DEPTOR: variants seen among roughly 807,000 people sequenced by gnomAD.
DEPTOR encodes the protein DEP domain-containing mTOR-interacting protein.
In DEPTOR, 41 loss-of-function variants were observed where a neutral mutation model predicts 41.6. That is an observed-to-expected ratio of 0.98 (90% CI 0.77 to 1.28). DEPTOR has a LOEUF of 1.28. DEPTOR is among the 50% of genes most tolerant of loss of function. The probability of loss-of-function intolerance (pLI) is 0.00; values close to 1 mark genes in which losing one functional copy is unlikely to be tolerated. For missense variants in DEPTOR, 514 were observed against 527.9 expected, an observed-to-expected ratio of 0.97 and a Z score of 0.26; for synonymous variants, 195 against 192.3, an observed-to-expected ratio of 1.01 and a Z score of -0.12.
intron 1 of DEPTOR, among the ~76,000 whole-genome samples, chr8:119,883,858 A>T (rs1359232359): frequency 6.6e-6 from 1 of 152,116 alleles, no homozygotes; most frequent in Non-Finnish European, 1.5e-5. Context: ...CAGCTCCATG[A>T]GGCACTCCTT....
intron 4 of DEPTOR, among the ~76,000 whole-genome samples, chr8:119,986,891 ATTC>A: frequency 6.6e-6 from 1 of 151,762 alleles, no homozygotes; most frequent in Middle Eastern, 3.4e-3. Flanking sequence ...GGTTATATAT[ATTC>A]TTCTCGAAAC....
chr8:119,935,686 A>T (rs1370528253), intron 3 of DEPTOR, among the ~76,000 whole-genome samples: 1 of 151,378 alleles, frequency 6.6e-6, no homozygotes, highest in African/African-American at 2.4e-5. Flanking sequence ...GCACCACTGC[A>T]CTCTAGCCTG....
At chr8:119,996,931 A>G (rs1812270141) in intron 4 of DEPTOR, among the ~76,000 whole-genome samples, 1 of 152,160 alleles carries the variant, frequency 6.6e-6, no homozygotes, top group South Asian at 2.1e-4. Context: ...ACAAAATTTT[A>G]TTATAGCATT....
intron 1 of DEPTOR, among the ~76,000 whole-genome samples, chr8:119,880,002 C>T (rs1406280203): frequency 6.6e-6 from 1 of 151,778 alleles, no homozygotes; most frequent in East Asian, 1.9e-4. Flanking sequence ...ATTAGCTGGG[C>T]ACGGTGGCAG....
At chr8:120,009,500 C>T (rs1049932929) in intron 8 of DEPTOR, among the ~76,000 whole-genome samples, 8 of 152,082 alleles carry the variant, frequency 5.3e-5, no homozygotes, top group African/African-American at 1.7e-4. Context: ...GTAATCCCAG[C>T]TACTCAGGAG....
intron 3 of DEPTOR, among the ~76,000 whole-genome samples, chr8:119,946,234 A>G (rs1828273159): frequency 6.6e-6 from 1 of 152,150 alleles, no homozygotes; most frequent in African/African-American, 2.4e-5. Context: ...CTAACAAAAG[A>G]GTGTTTCAGT....
At chr8:119,943,668 G>A (rs1229913353) in intron 3 of DEPTOR, among the ~76,000 whole-genome samples, 2 of 151,912 alleles carry the variant, frequency 1.3e-5, no homozygotes, top group African/African-American at 4.8e-5. Context: ...GTCCCCTTTG[G>A]GCTCTGGAAA....
At chr8:120,000,165 G>T (rs1204754610) in intron 4 of DEPTOR, among the ~76,000 whole-genome samples, 1 of 152,048 alleles carries the variant, frequency 6.6e-6, no homozygotes, top group Non-Finnish European at 1.5e-5. Context: ...CACATACCAA[G>T]CAATTCATTA....
intron 3 of DEPTOR, among the ~76,000 whole-genome samples, chr8:119,931,530 G>A (rs1828043309): frequency 6.6e-6 from 1 of 152,148 alleles, no homozygotes; most frequent in African/African-American, 2.4e-5. Flanking sequence ...TTCCAAATAC[G>A]AGCACAGTAC....
chr8:119,876,151 T>C (rs114545937), intron 1 of DEPTOR, among the ~76,000 whole-genome samples: 2,830 of 152,318 alleles, frequency 0.019, 85 homozygotes, highest in African/African-American at 0.063. Context: ...GCCTCTTCCT[T>C]GCAGTCCCCA....
chr8:120,044,574 T>G (rs1203609252), intron 8 of DEPTOR, among the ~76,000 whole-genome samples: 1 of 152,160 alleles, frequency 6.6e-6, no homozygotes, highest in Non-Finnish European at 1.5e-5. Flanking sequence ...CAGATGACCC[T>G]GTGAATAGGG....
At chr8:119,946,143 C>T (rs1007714378) in intron 3 of DEPTOR, among the ~76,000 whole-genome samples, 4 of 151,972 alleles carry the variant, frequency 2.6e-5, no homozygotes, top group Admixed American at 2.0e-4. Flanking sequence ...CACAGAGCTT[C>T]GGAGGGAAAA....
At chr8:119,957,571 A>ATT (rs33977088) in intron 3 of DEPTOR, among the ~76,000 whole-genome samples, 10,921 of 147,100 alleles carry the variant, frequency 0.074, 745 homozygotes, top group African/African-American at 0.18. Flanking sequence ...GGGTCCTTCT[A>ATT]TTTTTTTTTT....
At chr8:119,948,552 G>T (rs937992131) in intron 3 of DEPTOR, among the ~76,000 whole-genome samples, 5 of 151,708 alleles carry the variant, frequency 3.3e-5, no homozygotes, top group African/African-American at 9.7e-5. Flanking sequence ...CATACAATTC[G>T]CCTATTTAAA....
chr8:119,905,579 T>C (rs1827651259), intron 1 of DEPTOR, among the ~76,000 whole-genome samples: 1 of 152,048 alleles, frequency 6.6e-6, no homozygotes, highest in Non-Finnish European at 1.5e-5. Context: ...CCATCTCTTA[T>C]CTGTAAAAAT....
intron 1 of DEPTOR, among the ~76,000 whole-genome samples, chr8:119,926,988 G>C (rs1358678514): frequency 2.6e-5 from 4 of 152,164 alleles, no homozygotes; most frequent in African/African-American, 9.7e-5. Context: ...CTTCGTAGAT[G>C]TTCATATCAG....
chr8:120,050,223 C>T lies in DEPTOR; in HGVS notation c.*519C>T, dbSNP rs1462044243. Reference sequence around the variant, plus strand: ...ATTTTCAAGGGGGTTCTAAAGCATTCAAGTGCTTAAAAGCCATAAAAAATG... The same window carrying T: ...ATTTTCAAGGGGGTTCTAAAGCATTTAAGTGCTTAAAAGCCATAAAAAATG... On this transcript the variant is annotated 3_prime_UTR_variant, in exon 9 of 9. Coordinates refer to ENST00000286234, the MANE Select transcript of DEPTOR (RefSeq NM_022783.4). 6.6e-6 allele frequency: 1 copy of T among 151,822 alleles called. No individual in the cohort carries two copies. The highest frequency in any genetic ancestry group is 1.5e-5 in the Non-Finnish European group (1 of 68,018). 9.4% of individuals were successfully genotyped at this position (151,822 alleles called of 1,614,324 possible). A position where few individuals can be genotyped will look rare whatever the true frequency, so the allele number is the denominator to read the frequency against.
chr8:119,883,221 TC>T (rs1827320924), intron 1 of DEPTOR, among the ~76,000 whole-genome samples: 1 of 152,020 alleles, frequency 6.6e-6, no homozygotes, highest in Non-Finnish European at 1.5e-5. Context: ...ACCCCTGTAA[TC>T]CCAGCACTTT....
chr8:119,895,386 G>T (rs757636502), intron 1 of DEPTOR, among the ~76,000 whole-genome samples: 8 of 152,120 alleles, frequency 5.3e-5, no homozygotes, highest in Non-Finnish European at 1.2e-4. Flanking sequence ...AGCTTAACTG[G>T]GCACGCATAA....
Sources: gnomAD v4.1 joint callset for allele counts (sites outside exome capture counted in the v4.1 genomes callset) on GRCh38, gnomAD v4.1.1 for gene constraint, MANE v1.5 for transcripts, NCBI Gene and HGNC (gene_info 2026-07-23, HGNC 2026-07-21) for gene names.